The following ENTREP2 variants were observed in gnomAD, a reference collection of about 807,000 sequenced individuals.
ENTREP2 encodes the protein protein ENTREP2.
At chr15:29,480,015 T>C in the ENTREP2 span, among the ~76,000 whole-genome samples, 2 of 152,182 alleles carry the variant, frequency 1.3e-5, no homozygotes, top group African/African-American at 4.8e-5. Context: ...TTCAGTCTCA[T>C]GTGCTAAAAA....
chr15:29,436,741 T>C, the ENTREP2 span, among the ~76,000 whole-genome samples: 2 of 152,222 alleles, frequency 1.3e-5, no homozygotes, highest in Admixed American at 6.5e-5. Context: ...AAGGGAACAC[T>C]GATGCCAATG....
At chr15:29,525,039 G>T in the ENTREP2 span, among the ~76,000 whole-genome samples, 1 of 152,184 alleles carries the variant, frequency 6.6e-6, no homozygotes, top group Non-Finnish European at 1.5e-5. Context: ...TACCTGATTG[G>T]TTGGGTGTGA....
chr15:29,487,114 T>C, the ENTREP2 span, among the ~76,000 whole-genome samples: 1 of 152,244 alleles, frequency 6.6e-6, no homozygotes, highest in Non-Finnish European at 1.5e-5. Context: ...ACACATTGTA[T>C]ACACATATTG....
the ENTREP2 span, among the ~76,000 whole-genome samples, chr15:29,616,762 C>G: frequency 6.6e-6 from 1 of 152,114 alleles, no homozygotes; most frequent in African/African-American, 2.4e-5. Context: ...ACTCAATAGG[C>G]TATACAGAGA....
chr15:29,173,609 G>A, the ENTREP2 span, among the ~76,000 whole-genome samples: 3 of 152,242 alleles, frequency 2.0e-5, no homozygotes, highest in Admixed American at 2.0e-4. Flanking sequence ...GATAGCAAGT[G>A]ATCTCATTAC....
At chr15:29,619,101 T>C in the ENTREP2 span, among the ~76,000 whole-genome samples, 1 of 152,142 alleles carries the variant, frequency 6.6e-6, no homozygotes, top group Admixed American at 6.5e-5. Context: ...GCTAGCTGTT[T>C]TGCATGCATG....
chr15:29,575,752 T>C, the ENTREP2 span, among the ~76,000 whole-genome samples: 1 of 152,144 alleles, frequency 6.6e-6, no homozygotes. Flanking sequence ...AAGACAATTA[T>C]AATAATATCT....
chr15:29,460,304 T>C, the ENTREP2 span, among the ~76,000 whole-genome samples: 28 of 151,928 alleles, frequency 1.8e-4, no homozygotes, highest in Non-Finnish European at 2.5e-4. Context: ...TTTAAAAATA[T>C]GAAACAATGT....
At chr15:29,319,705 C>A in the ENTREP2 span, among the ~76,000 whole-genome samples, 1 of 152,212 alleles carries the variant, frequency 6.6e-6, no homozygotes, top group African/African-American at 2.4e-5. Context: ...GGTTGCAGAA[C>A]AAACTGCCAC....
chr15:29,265,482 T>A, the ENTREP2 span: 1 of 152,072 alleles, frequency 6.6e-6, no homozygotes, highest in Non-Finnish European at 1.5e-5. Context: ...CTACTAAAAG[T>A]ACAAAAATTA....
the ENTREP2 span, among the ~76,000 whole-genome samples, chr15:29,664,429 T>C: frequency 6.6e-6 from 1 of 151,696 alleles, no homozygotes; most frequent in Non-Finnish European, 1.5e-5. Flanking sequence ...GGAAAGAGAC[T>C]CTTTATTTTT....
the ENTREP2 span, among the ~76,000 whole-genome samples, chr15:29,660,648 T>C: frequency 1.3e-5 from 2 of 152,334 alleles, no homozygotes; most frequent in South Asian, 2.1e-4. Flanking sequence ...CCAGTGAGCA[T>C]TTCTTTGGAT....
the ENTREP2 span, among the ~76,000 whole-genome samples, chr15:29,305,418 G>A: frequency 2.0e-5 from 3 of 152,206 alleles, no homozygotes; most frequent in Non-Finnish European, 2.9e-5. Context: ...TCAAAGGCAG[G>A]AGTAGCGCCA....
the ENTREP2 span, among the ~76,000 whole-genome samples, chr15:29,560,476 A>C: frequency 1.3e-5 from 2 of 152,102 alleles, no homozygotes; most frequent in Non-Finnish European, 2.9e-5. Flanking sequence ...AGCTGCAGTG[A>C]AGCTCCGCTG....
the ENTREP2 span, among the ~76,000 whole-genome samples, chr15:29,627,944 A>G: frequency 6.6e-6 from 1 of 152,204 alleles, no homozygotes; most frequent in African/African-American, 2.4e-5. Context: ...GCTGCTGTGA[A>G]CAGCAATGAA....
the ENTREP2 span, among the ~76,000 whole-genome samples, chr15:29,183,066 C>G: frequency 6.6e-6 from 1 of 151,994 alleles, no homozygotes; most frequent in Non-Finnish European, 1.5e-5. Context: ...AAAAATAGTT[C>G]TTAAAATGCA....
chr15:29,325,257 C>A, the ENTREP2 span, among the ~76,000 whole-genome samples: 1 of 151,844 alleles, frequency 6.6e-6, no homozygotes, highest in Admixed American at 6.6e-5. Flanking sequence ...ATAATATAAG[C>A]GTGTACCTTA....
chr15:29,135,898 G>A, the ENTREP2 span, among the ~76,000 whole-genome samples: 3 of 152,022 alleles, frequency 2.0e-5, no homozygotes, highest in South Asian at 2.1e-4. This position sits in a 1 kb window ranked among gnomAD's most constrained non-coding sequence, Gnocchi z 7.4. Context: ...ACAGGCCGGG[G>A]CGCCCTGGGT....
At chr15:29,517,189 C>T in the ENTREP2 span, among the ~76,000 whole-genome samples, 1 of 152,080 alleles carries the variant, frequency 6.6e-6, no homozygotes, top group African/African-American at 2.4e-5. Context: ...CAACCTCATC[C>T]CACACATGCA....
Sources: gnomAD v4.1 joint callset for allele counts (sites outside exome capture counted in the v4.1 genomes callset) on GRCh38, gnomAD v4.1.1 for gene constraint, Gnocchi (gnomAD v3.1) non-coding constraint, MANE v1.5 for transcripts, NCBI Gene and HGNC (gene_info 2026-07-23, HGNC 2026-07-21) for gene names.